The following COL25A1 variants were observed in gnomAD, a reference collection of about 807,000 sequenced individuals.
The protein encoded by COL25A1 is collagen alpha-1(XXV) chain.
A neutral mutation model predicts 128.4 loss-of-function variants in COL25A1; 103 were observed. The ratio of observed to expected loss-of-function variants is 0.80; its 90% CI spans 0.68 to 0.94. COL25A1 has a LOEUF of 0.94. Ranked by LOEUF, COL25A1 falls within the 40% of genes least tolerant of loss-of-function variation. The pLI is 0.00. For synonymous variants in COL25A1, 279 were observed against 277.2 expected (o/e 1.01, Z -0.06); for missense variants, 745 against 840.0 (o/e 0.89, Z 1.40).
chr4:108,962,254 C>T (rs962577936), intron 8 of COL25A1, among the ~76,000 whole-genome samples: 1 of 149,736 alleles, frequency 6.7e-6, no homozygotes, highest in Non-Finnish European at 1.5e-5. Flanking sequence ...GTGGCAGGAT[C>T]TCGACTCACT....
intron 3 of COL25A1, among the ~76,000 whole-genome samples, chr4:109,231,589 C>T (rs1470249258): frequency 6.6e-6 from 1 of 152,130 alleles, no homozygotes; most frequent in East Asian, 1.9e-4. Flanking sequence ...TCAAACAAGG[C>T]CATTTGAGTG....
At chr4:109,093,266 T>G (rs545452775) in intron 3 of COL25A1, among the ~76,000 whole-genome samples, 31 of 152,206 alleles carry the variant, frequency 2.0e-4, no homozygotes, top group African/African-American at 7.2e-4. Context: ...TTCCTAACCC[T>G]TTTGTAGATT....
At chr4:109,022,785 T>C (rs1757892698) in intron 5 of COL25A1, among the ~76,000 whole-genome samples, 1 of 152,182 alleles carries the variant, frequency 6.6e-6, no homozygotes, top group Non-Finnish European at 1.5e-5. Context: ...CACCAGAGCA[T>C]ACATACATTC....
In COL25A1 at chr4:109,093,738, T is replaced by C. The variant is rs1342361397; in HGVS notation, c.368-43559A>G. Among the ~76,000 whole-genome samples the C allele has an allele frequency of 2.6e-5, 4 of 152,128 alleles. No homozygotes were observed. In the East Asian group the frequency reaches 7.7e-4, roughly 29 times the overall value. ...GAAAAATTTTCAGAACTAATGGCAA[T>C]CCTGTAAAATAATATATGAGGCCAA... On this transcript the variant is annotated intron_variant, in intron 3 of 37. Transcript: ENST00000399132.
intron 6 of COL25A1, among the ~76,000 whole-genome samples, chr4:108,978,355 G>T (rs532551895): frequency 6.6e-6 from 1 of 152,278 alleles, no homozygotes; most frequent in South Asian, 2.1e-4. Context: ...TCTTCCTTCC[G>T]AATTGGACCC....
At chr4:108,919,643 GA>G (rs961161309) in intron 12 of COL25A1, among the ~76,000 whole-genome samples, 1 of 152,064 alleles carries the variant, frequency 6.6e-6, no homozygotes. Flanking sequence ...AAGGATGGGG[GA>G]ATGAGGACTT....
chr4:109,191,718 T>C (rs1200306079), intron 3 of COL25A1, among the ~76,000 whole-genome samples: 2 of 152,208 alleles, frequency 1.3e-5, no homozygotes, highest in Non-Finnish European at 2.9e-5. Context: ...CAATACTCTG[T>C]TTTTTAAAAT....
At chr4:109,277,444 G>T (rs1722949597) in intron 3 of COL25A1, among the ~76,000 whole-genome samples, 1 of 152,172 alleles carries the variant, frequency 6.6e-6, no homozygotes, top group Non-Finnish European at 1.5e-5. Context: ...GGGAGCTGGA[G>T]AGTGGGGGAG....
chr4:109,036,616 G>C (rs895629225), intron 5 of COL25A1, among the ~76,000 whole-genome samples: 7 of 152,152 alleles, frequency 4.6e-5, no homozygotes, highest in Admixed American at 1.3e-4. Flanking sequence ...GATATATATA[G>C]GGCATATTGA....
intron 20 of COL25A1, among the ~76,000 whole-genome samples, chr4:108,868,818 A>T (rs1738291742): frequency 6.8e-6 from 1 of 147,836 alleles, no homozygotes; most frequent in African/African-American, 2.5e-5. Flanking sequence ...GAAGGAAGGA[A>T]AGGAAGGAAG....
intron 3 of COL25A1, among the ~76,000 whole-genome samples, chr4:109,207,779 A>T (rs1370705547): frequency 3.3e-5 from 5 of 152,226 alleles, no homozygotes; most frequent in Non-Finnish European, 7.3e-5. Flanking sequence ...AGTCAGAAAC[A>T]AAAGAAAGTA....
intron 3 of COL25A1, among the ~76,000 whole-genome samples, chr4:109,267,085 G>A (rs1781845994): frequency 6.6e-6 from 1 of 152,148 alleles, no homozygotes. Context: ...AGTCATGTCA[G>A]CATGCAGCCC....
chr4:109,183,888 C>A (rs1774893717), intron 3 of COL25A1, among the ~76,000 whole-genome samples: 1 of 144,280 alleles, frequency 6.9e-6, no homozygotes, highest in Non-Finnish European at 1.5e-5. Context: ...TTATGAAGCC[C>A]ATATTACTTA....
chr4:109,189,668 C>T lies in COL25A1; in HGVS notation c.367+110915G>A, dbSNP rs73838543. Among the ~76,000 whole-genome samples, 304 of 152,142 alleles carry T rather than the reference C, an allele frequency of 2.0e-3. 6 individuals carry two copies. Among genetic ancestry groups the T allele is most frequent in the African/African-American group, 7.1e-3 (296 of 41,504 alleles). ...GTGATTATCCATTTCACAAAGTCCA[C>T]CTCAGCACTGTATCTACTTTTTATC... is the stretch of plus-strand genomic sequence containing the variant. On this transcript the variant is annotated intron_variant, in intron 3 of 37. Transcript: ENST00000399132.
At chr4:108,944,681 T>C (rs1748517022) in intron 8 of COL25A1, among the ~76,000 whole-genome samples, 2 of 151,730 alleles carry the variant, frequency 1.3e-5, no homozygotes, top group Admixed American at 6.5e-5. Flanking sequence ...TTTGATCGTA[T>C]TTTCAAAATG....
At chr4:108,819,974 GT>G in intron 35 of COL25A1, 1 of 683,776 alleles carries the variant, frequency 1.5e-6, no homozygotes. Flanking sequence ...GATGGTTTAG[GT>G]AAGAAAATTC....
chr4:108,919,816 G>A (rs1400519066), intron 12 of COL25A1, among the ~76,000 whole-genome samples: 3 of 152,044 alleles, frequency 2.0e-5, no homozygotes, highest in African/African-American at 7.2e-5. Context: ...AGGCTGGAGT[G>A]CAGTGGCACA....
chr4:108,988,574 A>G (rs1009715390), intron 6 of COL25A1, among the ~76,000 whole-genome samples: 1 of 152,188 alleles, frequency 6.6e-6, no homozygotes, highest in Non-Finnish European at 1.5e-5. Context: ...TGTTTTTCTC[A>G]TATCTCAAAC....
At chr4:109,218,357 G>GTTTTTTTTTTGTT (rs1553961829) in intron 3 of COL25A1, among the ~76,000 whole-genome samples, 1 of 73,530 alleles carries the variant, frequency 1.4e-5, no homozygotes, top group African/African-American at 5.6e-5. Context: ...GTTTTTTGGG[G>GTTTTTTTTTTGTT]TTTTTTTTTT....
Sources: gnomAD v4.1 joint callset for allele counts (sites outside exome capture counted in the v4.1 genomes callset) on GRCh38, gnomAD v4.1.1 for gene constraint, MANE v1.5 for transcripts, NCBI Gene and HGNC (gene_info 2026-07-23, HGNC 2026-07-21) for gene names.